Variants in PALB2 observed in about 807,000 individuals in gnomAD.
The protein encoded by PALB2 is mutant partner and localizer of BRCA2.
A neutral mutation model predicts 107.4 loss-of-function variants in PALB2; 82 were observed. The observed-to-expected ratio is 0.76, with a 90% CI of 0.64 to 0.92. The LOEUF is 0.92. PALB2 is among the 40% of genes least tolerant of loss of function. PALB2 has a pLI of 0.00. For synonymous variants in PALB2, 489 were observed against 496.8 expected (o/e 0.98, Z 0.21); for missense variants, 1,374 against 1,379.9 (o/e 1.00, Z 0.07).
chr16:23,605,274 A>G (rs1295317370), intron 12 of PALB2, among the ~76,000 whole-genome samples: 1 of 152,116 alleles, frequency 6.6e-6, no homozygotes, highest in Non-Finnish European at 1.5e-5. Flanking sequence ...CCAACCCTCT[A>G]CTGCCAATTA....
chr16:23,618,741 T>A (rs900792376), intron 10 of PALB2, among the ~76,000 whole-genome samples: 6 of 152,072 alleles, frequency 3.9e-5, no homozygotes, highest in Non-Finnish European at 8.8e-5. Flanking sequence ...AACTACTAGA[T>A]TATTTTAACA....
In PALB2 at chr16:23,614,088, AT is replaced by A. The variant is rs180177133; in HGVS notation, c.3116del (p.Asn1039IlefsTer2). ...TTTTCAGGAGTTGACCAGTTTTTAA[AT>A]TCCTTAGATAACAAAAATAAATAAG... ...TTIMNNIVIW[N>X]LKTGQLLKKM... is the part of the protein sequence containing the mutation. On this transcript the variant is annotated frameshift_variant and splice_region_variant, in exon 11 of 13. Transcript: ENST00000261584. LOFTEE classifies it high-confidence loss of function. 70 of 1,601,814 alleles carry A rather than the reference AT, an allele frequency of 4.4e-5. No homozygotes were observed. The highest frequency in any genetic ancestry group is 5.7e-5 in the Non-Finnish European group (67 of 1,169,268).
intron 7 of PALB2, among the ~76,000 whole-genome samples, chr16:23,624,526 T>A (rs562848280): frequency 3.3e-5 from 5 of 152,352 alleles, no homozygotes; most frequent in African/African-American, 1.2e-4. Flanking sequence ...GAAATTTTTT[T>A]TTTTGAGTCG....
intron 11 of PALB2, among the ~76,000 whole-genome samples, chr16:23,608,375 C>T (rs1340495790): frequency 6.6e-6 from 1 of 152,064 alleles, no homozygotes; most frequent in Non-Finnish European, 1.5e-5. Context: ...TTTAGCTTCT[C>T]CTGCTTCCGG....
At chr16:23,640,350 C>T (rs1967191552) in intron 1 of PALB2, 1 of 205,258 alleles carries the variant, frequency 4.9e-6, no homozygotes. Flanking sequence ...AGCAAGGGCA[C>T]TTCCAAGGCC....
chr16:23,630,829 G>A (rs996774686), intron 4 of PALB2, among the ~76,000 whole-genome samples: 1 of 152,088 alleles, frequency 6.6e-6, no homozygotes, highest in Admixed American at 6.6e-5. Context: ...TGTATTGCTA[G>A]CCAGGTATGG....
chr16:23,623,964 G>A (rs369619755), intron 8 of PALB2, 45 bp downstream of exon 8: 1 of 1,360,686 alleles, frequency 7.3e-7, no homozygotes, highest in South Asian at 1.2e-5. Flanking sequence ...AGCTGACAGA[G>A]ACAAAGATGA....
chr16:23,626,128 C>T, intron 7 of PALB2, 108 bp downstream of exon 7: 1 of 1,296,262 alleles, frequency 7.7e-7, no homozygotes, highest in South Asian at 1.2e-5. Context: ...AAAACCTCAT[C>T]TCTGTTCTGC....
chr16:23,622,615 T>C lies in PALB2; in HGVS notation c.2996+354A>G, dbSNP rs148492223. ...CCTGCTATGTGGCCCCAACTGGTCT[T>C]GAACTCCTGGGCTCAAACTTCTGCC... On this transcript the variant is annotated intron_variant, in intron 9 of 12. Transcript: ENST00000261584. Among the ~76,000 whole-genome samples, 814 of 152,308 alleles carry C rather than the reference T, an allele frequency of 5.3e-3. 5 individuals are homozygous for C. The highest frequency in any genetic ancestry group is 0.018 in the African/African-American group (764 of 41,564).
chr16:23,638,618 T>C (rs1455868619), intron 1 of PALB2: 2 of 452,110 alleles, frequency 4.4e-6, no homozygotes, highest in Admixed American at 4.8e-5. Context: ...ATACCCACTA[T>C]GTGTCAATTA....
chr16:23,608,101 A>C, intron 11 of PALB2, 89 bp from the exon 12 acceptor site: 3 of 1,367,778 alleles, frequency 2.2e-6, no homozygotes, highest in Non-Finnish European at 3.1e-6. Context: ...AAACCAAACA[A>C]TTAAAGCAAT....
Position 23,629,775 on chromosome 16 carries a change from G to A in PALB2, c.2379C>T (p.Gly793=), listed in dbSNP as rs377626805. ...AKPHTTLQVS[G]RQGQPTCDCD... ...AGTCACAGGTAGGTTGTCCTTGCCTGCCTGACACTTGCAGGGTGGTATGTG... is the reference window on the plus strand; with the variant it reads ...AGTCACAGGTAGGTTGTCCTTGCCTACCTGACACTTGCAGGGTGGTATGTG... The change falls in exon 5 of 13, where the codon GGC becomes GGT. Residue 793 remains glycine, a synonymous_variant. Transcript: ENST00000261584. 139 of 1,614,066 alleles carry A rather than the reference G, an allele frequency of 8.6e-5. No homozygotes were observed. The highest frequency in any genetic ancestry group is 4.9e-4 in the Middle Eastern group (3 of 6,084).
In PALB2 at chr16:23,635,848, A is replaced by T. The variant is rs2142437016; in HGVS notation, c.698T>A (p.Val233Asp). 6.2e-7 allele frequency: 1 copy of T among 1,614,078 alleles called. No individual in the cohort carries two copies. The highest frequency in any genetic ancestry group is 8.5e-7 in the Non-Finnish European group (1 of 1,180,018). The change falls in exon 4 of 13, where the codon GTT becomes GAT. Residue 233 changes from valine (V) to aspartate (D), a missense_variant. Coordinates refer to ENST00000261584, the MANE Select transcript of PALB2 (RefSeq NM_024675.4). Reference protein sequence around the residue: ...IPPTAQPEKGVDTFLRRPNFT... With the variant: ...IPPTAQPEKGDDTFLRRPNFT... ...ATTAGGTCTTCTTAGGAATGTATCA[A>T]CACCTTTTTCTGGTTGGGCAGTTGG... is the stretch of plus-strand genomic sequence containing the variant.
Position 23,630,311 on chromosome 16 carries a change from G to T in PALB2, c.1843C>A (p.Pro615Thr), listed in dbSNP as rs1019525144. ...TTAAGAGGTCCAAAGTCTTCATCAG[G>T]TAACTGAAAGTCTGTGATACTGAGA... is the stretch of plus-strand genomic sequence containing the variant. ...SFLSITDFQL[P>T]DEDFGPLKLE... Residue 615 changes from proline (P) to threonine (T), a missense_variant, in exon 5 of 13, where the codon CCT (proline) becomes ACT (threonine). Physicochemically the swap from Pro to Thr is conservative, Grantham distance 38. Transcript: ENST00000261584. 6.2e-7 allele frequency: 1 copy of T among 1,614,150 alleles called. No individual in the cohort carries two copies. The highest frequency in any genetic ancestry group is 8.5e-7 in the Non-Finnish European group (1 of 1,180,042).
At chr16:23,613,960 A>G in intron 11 of PALB2, 44 bp downstream of exon 11, 1 of 1,436,918 alleles carries the variant, frequency 7.0e-7, no homozygotes, top group South Asian at 1.2e-5. Context: ...ACTTAATGAG[A>G]CCAACAGTAA....
At position 23,621,407 on chromosome 16, in the gene PALB2, T is replaced by A. The variant is rs1489447603; in HGVS notation, c.3068A>T (p.Gln1023Leu). ...AATAGTAGTACCAAGCAGAGCTTCT[T>A]GCATCCCTTGGACCTCAGCAAAAGT... ...ILTFAEVQGMQEALLGTTIMN... is the reference protein window; with the variant it reads ...ILTFAEVQGMLEALLGTTIMN... The change falls in exon 10 of 13, where the codon CAA becomes CTA. Residue 1023 changes from glutamine (Q) to leucine (L), a missense_variant. Physicochemically the swap from Gln to Leu is moderately radical, Grantham distance 113. Coordinates refer to ENST00000261584, the MANE Select transcript of PALB2 (RefSeq NM_024675.4). 6.2e-7 allele frequency: 1 copy of A among 1,614,160 alleles called. No individual in the cohort carries two copies. The highest frequency in any genetic ancestry group is 2.2e-5 in the East Asian group (1 of 44,880).
intron 8 of PALB2, among the ~76,000 whole-genome samples, chr16:23,623,370 T>G (rs751244329): frequency 6.7e-6 from 1 of 149,782 alleles, no homozygotes; most frequent in Non-Finnish European, 1.5e-5. Context: ...ACCTGGCTAA[T>G]TTTTCTGTAT....
chr16:23,630,361 A>C lies in PALB2; in HGVS notation c.1793T>G (p.Leu598Arg), dbSNP rs2142389109. Reference protein sequence around the residue: ...FTAPFHRDGMLSLKQLLSFLS... With the variant: ...FTAPFHRDGMRSLKQLLSFLS... ...AAAAGACAGTAGTTGCTTTAAACTC[A>C]GCATTCCATCCCTATGAAATGGAGC... The change falls in exon 5 of 13, where the codon CTG becomes CGG. Residue 598 changes from leucine (L) to arginine (R), a missense_variant. Transcript: ENST00000261584. 6.2e-7 allele frequency: 1 copy of C among 1,614,154 alleles called. No homozygotes were observed. Among genetic ancestry groups the C allele is most frequent in the South Asian group, 1.1e-5 (1 of 91,080 alleles).
At chr16:23,636,477 T>C (rs1967066937) in intron 3 of PALB2, 143 bp from the exon 4 acceptor site, 1 of 667,162 alleles carries the variant, frequency 1.5e-6, no homozygotes. Flanking sequence ...GCAGATGAAT[T>C]TACAGGTGAA....
Sources: gnomAD v4.1 joint callset for allele counts (sites outside exome capture counted in the v4.1 genomes callset) on GRCh38, gnomAD v4.1.1 for gene constraint, MANE v1.5 for transcripts, NCBI Gene and HGNC (gene_info 2026-07-23, HGNC 2026-07-21) for gene names.